Variants in TOP1 observed in about 807,000 individuals in gnomAD.
TOP1 encodes DNA topoisomerase 1.
A neutral mutation model predicts 111.1 loss-of-function variants in TOP1; 10 were observed. The observed-to-expected ratio is 0.09, with a 90% confidence interval of 0.06 to 0.15. The LOEUF is 0.15. Among genes scored for constraint, TOP1 ranks in the 10% least tolerant of loss-of-function variants. The pLI, the probability that TOP1 is intolerant of heterozygous loss-of-function variation, is 1.00. For missense variants in TOP1, 474 were observed against 926.7 expected, an observed-to-expected ratio of 0.51 and a Z score of 6.34; for synonymous variants, 271 against 302.9, an observed-to-expected ratio of 0.89 and a Z score of 1.10.
Position 41,122,974 on chromosome 20 carries a change from G to A in TOP1, c.2196-221G>A, listed in dbSNP as rs145811145. Among the ~76,000 whole-genome samples, 2 of 152,170 alleles carry A rather than the reference G, an allele frequency of 1.3e-5. No homozygotes were observed. Among genetic ancestry groups the A allele is most frequent in the African/African-American group, 4.8e-5 (2 of 41,434 alleles). On this transcript the variant is annotated intron_variant, in intron 20 of 20. Coordinates refer to ENST00000361337, the MANE Select transcript of TOP1 (RefSeq NM_003286.4). The surrounding 1 kb of genome is among the most constrained non-coding windows in gnomAD (Gnocchi z 5.4). ...GTCTCTGCCTCAGTTTCATCTGTAC[G>A]TTTTTCACTTGTACATCTGCAGAAG...
chr20:41,044,223 C>T (rs1004464061), intron 2 of TOP1, among the ~76,000 whole-genome samples: 3 of 152,084 alleles, frequency 2.0e-5, no homozygotes, highest in Admixed American at 2.0e-4. Context: ...TTGCAGTGAG[C>T]CAAGATCATG....
At chr20:41,052,301 A>G (rs931878216) in intron 2 of TOP1, among the ~76,000 whole-genome samples, 2 of 152,216 alleles carry the variant, frequency 1.3e-5, no homozygotes, top group African/African-American at 4.8e-5. Flanking sequence ...CAGTGCCTCT[A>G]TCACATTAGG....
intron 2 of TOP1, among the ~76,000 whole-genome samples, chr20:41,039,486 T>C (rs897586769): frequency 6.6e-6 from 1 of 151,336 alleles, no homozygotes; most frequent in Non-Finnish European, 1.5e-5. Flanking sequence ...CAAAAAATGG[T>C]TTTTTTTTGT....
In TOP1 at chr20:41,123,244, C is replaced by T. The variant is rs2145975007; in HGVS notation, c.2245C>T (p.Arg749Trp). Reference sequence around the variant, plus strand: ...TGAGAAGATTTACAACAAAACCCAGCGGGAGAAGTTTGCCTGGGCCATTGA... The same window carrying T: ...TGAGAAGATTTACAACAAAACCCAGTGGGAGAAGTTTGCCTGGGCCATTGA... ...PIEKIYNKTQ[R>W]EKFAWAIDMA... Residue 749 changes from arginine (R) to tryptophan (W), a missense_variant, in exon 21 of 21, where the codon CGG becomes TGG. Physicochemically the swap from Arg to Trp is moderately radical, Grantham distance 101. Coordinates refer to ENST00000361337, the MANE Select transcript of TOP1 (RefSeq NM_003286.4). The surrounding 1 kb of genome is among the most constrained non-coding windows in gnomAD (Gnocchi z 5.8). 6.2e-7 allele frequency: 1 copy of T among 1,613,996 alleles called. No homozygotes were observed. The highest frequency in any genetic ancestry group is 8.5e-7 in the Non-Finnish European group (1 of 1,179,932).
intron 2 of TOP1, among the ~76,000 whole-genome samples, chr20:41,054,122 A>G (rs1335086487): frequency 6.6e-6 from 1 of 152,176 alleles, no homozygotes; most frequent in East Asian, 1.9e-4. Context: ...GGATACTGAT[A>G]TGGTTTGGCT....
rs1377365564 is a variant in TOP1 at position 41,038,618 on chromosome 20, A to G, written c.58+9163A>G. On this transcript the variant is annotated intron_variant, in intron 2 of 20. Coordinates refer to ENST00000361337, the MANE Select transcript of TOP1 (RefSeq NM_003286.4). The stretch of plus-strand genomic sequence containing the variant: ...ACTGACTTGCTTTGACTTTGCGGCA[A>G]CTTCAGTTGTCCAGTGACAAGGCTT... 2.6e-5 allele frequency among the ~76,000 whole-genome samples: 4 copies of G among 152,072 alleles called. No homozygotes were observed. The East Asian group carries it at 5.8e-4, about 22-fold the overall frequency.
At chr20:41,085,739 T>C (rs1277667985) in intron 8 of TOP1, among the ~76,000 whole-genome samples, 2 of 152,240 alleles carry the variant, frequency 1.3e-5, no homozygotes, top group African/African-American at 4.8e-5. Flanking sequence ...TGTGCCTTTA[T>C]GGCTTTTGTA....
rs538844211 is a variant in TOP1, at chr20:41,030,268, T to C, written c.58+813T>C. 2.1e-4 allele frequency among the ~76,000 whole-genome samples: 32 copies of C among 152,346 alleles called. No homozygotes were observed. The highest frequency in any genetic ancestry group is 6.8e-3 in the Middle Eastern group (2 of 294). On this transcript the variant is annotated intron_variant, in intron 2 of 20. Transcript: ENST00000361337. The surrounding 1 kb of genome is among the most constrained non-coding windows in gnomAD (Gnocchi z 4.1). Reference sequence around the variant, plus strand: ...ATTGTGGTCGAGGTTCCCAATGCAGTGTTTTTCTGGAAACGCAGTTTAGTG... The same window carrying C: ...ATTGTGGTCGAGGTTCCCAATGCAGCGTTTTTCTGGAAACGCAGTTTAGTG...
rs752768249 is a variant in TOP1 at position 41,116,250 on chromosome 20, C to T, written c.1708-28C>T. On this transcript the variant is annotated intron_variant, in intron 16 of 20. Transcript: ENST00000361337. This position sits in a 1 kb window ranked among gnomAD's most constrained non-coding sequence, Gnocchi z 5.6. ...GAAGGAGCAGGTAGTATAGCTTTGA[C>T]CTAAATCTGTTGCTTTGTCTCCTCC... 6.6e-7 allele frequency: 1 copy of T among 1,525,630 alleles called. No individual in the cohort carries two copies. Among genetic ancestry groups the T allele is most frequent in the South Asian group, 1.1e-5 (1 of 88,996 alleles). The allele number at this position is 1,525,630 out of a possible 1,614,324, so 94.5% of individuals were successfully genotyped here.
At chr20:41,088,950 G>A (rs2145943577) in intron 8 of TOP1, among the ~76,000 whole-genome samples, 1 of 149,202 alleles carries the variant, frequency 6.7e-6, no homozygotes, top group South Asian at 2.1e-4. Context: ...ACCATCTCCA[G>A]AACTCTACAT....
chr20:41,072,561 C>T (rs2033680025), intron 3 of TOP1: 2 of 985,404 alleles, frequency 2.0e-6, no homozygotes, highest in East Asian at 2.3e-4. Flanking sequence ...TATCATAGGA[C>T]TTGTTCCCCA....
At chr20:41,081,133 T>G in intron 6 of TOP1, 32 bp from the exon 7 acceptor site, 2 of 1,571,596 alleles carry the variant, frequency 1.3e-6, no homozygotes, top group Non-Finnish European at 1.7e-6. Flanking sequence ...ATCATAATTA[T>G]GTTAACTGTG....
intron 2 of TOP1, among the ~76,000 whole-genome samples, chr20:41,055,018 C>T (rs1342438473): frequency 6.6e-6 from 1 of 152,168 alleles, no homozygotes; most frequent in East Asian, 1.9e-4. Flanking sequence ...CCTGTTCTAT[C>T]TGTTTAACTT....
chr20:41,107,648 G>T lies in TOP1; in HGVS notation c.1309-5134G>T, dbSNP rs142014355. On this transcript the variant is annotated intron_variant, in intron 13 of 20. Transcript: ENST00000361337. Reference sequence around the variant, plus strand: ...GCATACTAAACATACTCACTTGAAAGTCTTTGTAAGATTGTTCTATAAAAT... The same window carrying T: ...GCATACTAAACATACTCACTTGAAATTCTTTGTAAGATTGTTCTATAAAAT... 1.6e-4 allele frequency among the ~76,000 whole-genome samples: 24 copies of T among 152,220 alleles called. No homozygotes were observed. The East Asian group carries it at 4.2e-3, about 27-fold the overall frequency.
chr20:41,074,362 A>G (rs1237779353), intron 3 of TOP1, among the ~76,000 whole-genome samples: 1 of 152,236 alleles, frequency 6.6e-6, no homozygotes, highest in African/African-American at 2.4e-5. Context: ...CTCTGTTCTC[A>G]TGAGTTAAAA....
rs1467616311 is a variant in TOP1, at chr20:41,097,574, G to T, written c.852+233G>T. ...CTCTCATGTGATGGCAGGTAGGTGG[G>T]GGTTATCAGATTAGGCCAAACAGAA... On this transcript the variant is annotated intron_variant, in intron 10 of 20. Coordinates refer to ENST00000361337, the MANE Select transcript of TOP1 (RefSeq NM_003286.4). The surrounding 1 kb of genome is among the most constrained non-coding windows in gnomAD (Gnocchi z 4.2). Among the ~76,000 whole-genome samples the T allele has an allele frequency of 1.3e-5, 2 of 152,106 alleles. No individual in the cohort carries two copies. The highest frequency in any genetic ancestry group is 2.9e-5 in the Non-Finnish European group (2 of 68,024).
At chr20:41,086,989 G>C (rs1207062144) in intron 8 of TOP1, among the ~76,000 whole-genome samples, 2 of 152,188 alleles carry the variant, frequency 1.3e-5, no homozygotes, top group East Asian at 3.8e-4. Flanking sequence ...CCTAGTCGGG[G>C]AGTTAAATGG....
chr20:41,047,407 G>A (rs1030981979), intron 2 of TOP1, among the ~76,000 whole-genome samples: 2 of 152,152 alleles, frequency 1.3e-5, no homozygotes, highest in South Asian at 2.1e-4. Flanking sequence ...TGTAGCCTAG[G>A]AGCAACAGGC....
At chr20:41,073,316 G>T (rs1270799404) in intron 3 of TOP1, 1 of 984,418 alleles carries the variant, frequency 1.0e-6, no homozygotes, top group Non-Finnish European at 1.2e-6. Flanking sequence ...AAGGAAGATG[G>T]AGTGTTCCTG....
Sources: allele counts gnomAD v4.1 joint callset (sites outside exome capture counted in the v4.1 genomes callset), GRCh38; gene constraint gnomAD v4.1.1; non-coding constraint Gnocchi (gnomAD v3.1); transcripts MANE v1.5; gene names NCBI Gene and HGNC (gene_info 2026-07-23, HGNC 2026-07-21).